The following FHIP2B variants were observed in gnomAD, a reference collection of about 807,000 sequenced individuals.
FHIP2B encodes the protein FHF complex subunit HOOK interacting protein 2B, also known as FHF complex subunit HOOK-interacting protein 2B.
Under a neutral mutation model 84.0 loss-of-function variants are expected in FHIP2B, and 72 were observed. The ratio of observed to expected loss-of-function variants is 0.86; its 90% CI spans 0.71 to 1.04. The LOEUF is 1.04. FHIP2B is among the 50% of genes least tolerant of loss of function. The probability of loss-of-function intolerance (pLI) is 0.00; values close to 1 mark genes in which losing one functional copy is unlikely to be tolerated. For synonymous variants in FHIP2B, 497 were observed against 418.7 expected, an observed-to-expected ratio of 1.19 and a Z score of -2.28; for missense variants, 972 against 968.9, an observed-to-expected ratio of 1.00 and a Z score of -0.04.
intron 2 of FHIP2B, 182 bp from the exon 3 acceptor site, chr8:22,096,155 T>C: frequency 3.4e-6 from 2 of 595,572 alleles, no homozygotes; most frequent in South Asian, 2.4e-5. Flanking sequence ...GGAAGGACTT[T>C]TGTCTTCTTA....
rs566350179 is a variant in FHIP2B, at chr8:22,099,072, C to T, written c.1074+16C>T. On this transcript the variant is annotated intron_variant, in intron 8 of 16. Coordinates refer to ENST00000289921, the MANE Select transcript of FHIP2B (RefSeq NM_022749.7). ...GGCACACACGGTGAGCAGGGGCGGGCGGAGGCCGGGCTCTCATGCTGTTCC... is the reference window on the plus strand; with the variant it reads ...GGCACACACGGTGAGCAGGGGCGGGTGGAGGCCGGGCTCTCATGCTGTTCC... 8 of 1,567,436 alleles carry T rather than the reference C, an allele frequency of 5.1e-6. No individual in the cohort carries two copies. The highest frequency in any genetic ancestry group is 2.3e-5 in the East Asian group (1 of 43,042).
intron 3 of FHIP2B, chr8:22,097,126 A>G (rs1327570035): frequency 3.7e-6 from 1 of 272,982 alleles, no homozygotes; most frequent in Non-Finnish European, 7.1e-6. Context: ...TGACCCAGTC[A>G]TGGAGCACAG....
chr8:22,100,046 A>G (rs1292769500), intron 10 of FHIP2B, 153 bp downstream of exon 10: 3 of 720,366 alleles, frequency 4.2e-6, no homozygotes, highest in Non-Finnish European at 6.3e-6. Context: ...TCACACACTA[A>G]TTTTCTATGA....
At position 22,095,966 on chromosome 8, in the gene FHIP2B, C is replaced by G. The variant is rs58656315; in HGVS notation, c.125-371C>G. ...GAATTACAGCTTCTAAGTTATGTGA[C>G]AAGAGCCCTGAGCCCACAGTGTCCA... On this transcript the variant is annotated intron_variant, in intron 2 of 16. Coordinates refer to ENST00000289921, the MANE Select transcript of FHIP2B (RefSeq NM_022749.7). 516 of 168,150 alleles carry G rather than the reference C, an allele frequency of 3.1e-3. 1 individual carries two copies. Among genetic ancestry groups the G allele is most frequent in the African/African-American group, 0.011 (473 of 42,208 alleles). 10.4% of individuals were successfully genotyped at this position (168,150 alleles called of 1,614,324 possible).
Position 22,103,572 on chromosome 8 carries a change from G to A in FHIP2B, c.*641G>A, listed in dbSNP as rs907056656. 1 of 152,452 alleles carries A rather than the reference G, an allele frequency of 6.6e-6. No individual in the cohort carries two copies. The highest frequency in any genetic ancestry group is 2.4e-5 in the African/African-American group (1 of 41,474). 9.4% of individuals were successfully genotyped at this position (152,452 alleles called of 1,614,324 possible). On this transcript the variant is annotated 3_prime_UTR_variant, in exon 17 of 17. Transcript: ENST00000289921. ...CACCCAGGCGGGGGCCCCTGCTAATGAGAACCTTGGTGCAGCTGCAGCCAG... is the reference window on the plus strand; with the variant it reads ...CACCCAGGCGGGGGCCCCTGCTAATAAGAACCTTGGTGCAGCTGCAGCCAG...
intron 9 of FHIP2B, 150 bp from the exon 10 acceptor site, chr8:22,099,554 C>T (rs1320329311): frequency 1.8e-6 from 2 of 1,090,304 alleles, no homozygotes; most frequent in Admixed American, 5.6e-5. Context: ...CGAAGGCCTC[C>T]TACCCTTCCC....
At chr8:22,090,539 C>T (rs1825434620) in intron 1 of FHIP2B, among the ~76,000 whole-genome samples, 1 of 152,228 alleles carries the variant, frequency 6.6e-6, no homozygotes, top group South Asian at 2.1e-4. Flanking sequence ...ATCTGATAAA[C>T]CAATTCATAC....
At chr8:22,100,206 C>G in intron 10 of FHIP2B, 1 of 407,170 alleles carries the variant, frequency 2.5e-6, no homozygotes, top group Non-Finnish European at 4.3e-6. Flanking sequence ...AGTGCTGGGA[C>G]TGCAGGCATG....
rs1300445674 is a variant in FHIP2B at position 22,104,697 on chromosome 8, T to G, written c.*1766T>G. ...GTGTGCAAGTCTCATTTGGGTGTGT[T>G]TATGCTGCGTGTTGTATGCCTGTTT... On this transcript the variant is annotated 3_prime_UTR_variant, in exon 17 of 17. Coordinates refer to ENST00000289921, the MANE Select transcript of FHIP2B (RefSeq NM_022749.7). The G allele has an allele frequency of 6.6e-6, 1 of 152,118 alleles. No individual in the cohort carries two copies. The highest frequency in any genetic ancestry group is 1.5e-5 in the Non-Finnish European group (1 of 68,016). 9.4% of individuals were successfully genotyped at this position (152,118 alleles called of 1,614,324 possible).
Position 22,104,037 on chromosome 8 carries a change from T to C in FHIP2B, c.*1106T>C, listed in dbSNP as rs1048313252. The C allele has an allele frequency of 2.4e-4, 37 of 152,652 alleles. No homozygotes were observed. The highest frequency in any genetic ancestry group is 8.7e-4 in the African/African-American group (36 of 41,576). 9.5% of individuals were successfully genotyped at this position (152,652 alleles called of 1,614,324 possible). On this transcript the variant is annotated 3_prime_UTR_variant, in exon 17 of 17. Transcript: ENST00000289921. The stretch of plus-strand genomic sequence containing the variant: ...AAGGAGGAGCAGGCCAGAGCCTCTT[T>C]TGCTTCCTTTTCTTGCCCATGCCGC...
chr8:22,099,077 G>T, intron 8 of FHIP2B, 21 bp downstream of exon 8: 3 of 1,560,830 alleles, frequency 1.9e-6, no homozygotes, highest in Non-Finnish European at 2.6e-6. Flanking sequence ...GCGGGCGGAG[G>T]CCGGGCTCTC....
In FHIP2B at chr8:22,101,459, G is replaced by A. The variant is rs755962923; in HGVS notation, c.1636G>A (p.Glu546Lys). ...IVNSFLCLVP[E>K]EAKTSAFLEE... ...TCTCAGTTTCCTGTGCCTGGTCCCC[G>A]AGGAAGCCAAGACCTCTGCCTTCCT... The change falls in exon 13 of 17, where the codon GAG becomes AAG. Residue 546 changes from glutamate to lysine, a missense_variant. By Grantham distance (56) the Glu-to-Lys change is moderately conservative. Coordinates refer to ENST00000289921, the MANE Select transcript of FHIP2B (RefSeq NM_022749.7). The A allele has an allele frequency of 4.3e-5, 69 of 1,611,028 alleles. No individual in the cohort carries two copies. The highest frequency in any genetic ancestry group is 5.5e-5 in the Non-Finnish European group (65 of 1,178,384).
rs779840070 is a variant in FHIP2B, at chr8:22,094,514, C to A, written c.120C>A (p.Ser40Arg). The A allele has an allele frequency of 4.5e-5, 72 of 1,610,632 alleles. No individual in the cohort carries two copies. Among genetic ancestry groups the A allele is most frequent in the Non-Finnish European group, 5.9e-5 (70 of 1,178,668 alleles). ...GCATCACGCACTACTACATCGAGAGCACAGGTGCGGCCTGGCCCTCCCCAG... is the reference window on the plus strand; with the variant it reads ...GCATCACGCACTACTACATCGAGAGAACAGGTGCGGCCTGGCCCTCCCCAG... ...WKGITHYYIESTDESTPAKKT... is the reference protein window; with the variant it reads ...WKGITHYYIERTDESTPAKKT... The change falls in exon 2 of 17, where the codon AGC (serine) becomes AGA (arginine). Residue 40 changes from serine to arginine, a missense_variant. Coordinates refer to ENST00000289921, the MANE Select transcript of FHIP2B (RefSeq NM_022749.7).
intron 8 of FHIP2B, 30 bp from the exon 9 acceptor site, chr8:22,099,254 C>A: frequency 1.2e-6 from 2 of 1,610,770 alleles, no homozygotes; most frequent in Non-Finnish European, 1.7e-6. Context: ...GTAATGAGGG[C>A]AAAACACATT....
chr8:22,094,686 C>G, intron 2 of FHIP2B, 168 bp downstream of exon 2: 1 of 1,453,582 alleles, frequency 6.9e-7, no homozygotes, highest in Non-Finnish European at 9.0e-7. Flanking sequence ...ACCCAGAGCC[C>G]TGGGCCACTC....
intron 1 of FHIP2B, among the ~76,000 whole-genome samples, chr8:22,091,984 C>A (rs924535738): frequency 6.6e-6 from 1 of 152,198 alleles, no homozygotes; most frequent in African/African-American, 2.4e-5. Flanking sequence ...CATCATCTAG[C>A]AGAAGAGATG....
At position 22,100,911 on chromosome 8, in the gene FHIP2B, C is replaced by T. The variant is rs753314687; in HGVS notation, c.1555C>T (p.Pro519Ser). 7 of 1,613,950 alleles carry T rather than the reference C, an allele frequency of 4.3e-6. No homozygotes were observed. The highest frequency in any genetic ancestry group is 5.9e-6 in the Non-Finnish European group (7 of 1,179,898). The change falls in exon 12 of 17, where the codon CCT becomes TCT. Residue 519 changes from proline to serine, a missense_variant. Pro to Ser is a moderately conservative substitution (Grantham distance 74). Transcript: ENST00000289921. The stretch of plus-strand genomic sequence containing the variant: ...TTCCGGCTTTCAAACTCCCGCAAAG[C>T]CTCGCCTAGCTCCTGCTACCAGTTA... The part of the protein sequence containing the change: ...LDSGFQTPAK[P>S]RLAPATSYDG...
chr8:22,098,717 G>A, intron 7 of FHIP2B, 98 bp downstream of exon 7: 1 of 1,301,952 alleles, frequency 7.7e-7, no homozygotes, highest in Non-Finnish European at 1.0e-6. Flanking sequence ...ACGTTGCTAG[G>A]GACCCCTGCT....
intron 1 of FHIP2B, among the ~76,000 whole-genome samples, chr8:22,091,314 C>T (rs1050763864): frequency 2.0e-4 from 28 of 141,328 alleles, no homozygotes; most frequent in African/African-American, 6.1e-4. Flanking sequence ...TGCAGTGGGG[C>T]GATCTCAGCT....
Sources: allele counts gnomAD v4.1 joint callset (sites outside exome capture counted in the v4.1 genomes callset), GRCh38; gene constraint gnomAD v4.1.1; transcripts MANE v1.5; gene names NCBI Gene and HGNC (gene_info 2026-07-23, HGNC 2026-07-21).